The following RNF130 variants were observed in gnomAD, a reference collection of about 807,000 sequenced individuals.
RNF130 encodes the protein ring finger protein 130, also known as E3 ubiquitin-protein ligase RNF130.
Under a neutral mutation model 44.6 loss-of-function variants are expected in RNF130, and 21 were observed. That is an observed-to-expected ratio of 0.47 (90% CI 0.33 to 0.68). The LOEUF is 0.68. Among genes scored for constraint, RNF130 ranks in the 30% least tolerant of loss-of-function variants. The pLI is 0.02. For synonymous variants in RNF130, 214 were observed against 210.4 expected, an observed-to-expected ratio of 1.02 and a Z score of -0.15; for missense variants, 479 against 560.6, an observed-to-expected ratio of 0.85 and a Z score of 1.47.
chr5:179,940,884 ATTTTTCTTCTCATTTTATT>A lies in RNF130; in HGVS notation c.1151-20477_1151-20459del, dbSNP rs541297835. 5.4e-3 allele frequency among the ~76,000 whole-genome samples: 815 copies of A among 151,504 alleles called. 4 individuals carry two copies. Among genetic ancestry groups the A allele is most frequent in the Middle Eastern group, 0.027 (8 of 292 alleles). ...TCTAAAGACTCATGCCTTTTTCTGT[ATTTTTCTTCTCATTTTATT>A]TTTTTGCTTCAGCTCAGATAGTCTC... On this transcript the variant is annotated intron_variant, in intron 7 of 7. Transcript: ENST00000522208.
intron 7 of RNF130, among the ~76,000 whole-genome samples, chr5:179,924,763 T>G (rs1055523987): frequency 6.6e-6 from 1 of 152,172 alleles, no homozygotes; most frequent in South Asian, 2.1e-4. Context: ...CACTCCACCC[T>G]GGGTGACAGA....
chr5:180,065,285 A>G (rs184091457), intron 1 of RNF130, among the ~76,000 whole-genome samples: 7 of 152,352 alleles, frequency 4.6e-5, no homozygotes, highest in African/African-American at 1.4e-4. Context: ...CCCATTATCT[A>G]ATCGATATAA....
intron 2 of RNF130, chr5:180,015,235 C>A: frequency 6.7e-6 from 3 of 448,936 alleles, no homozygotes; most frequent in South Asian, 1.7e-5. Flanking sequence ...CAAAATAATG[C>A]TAAACCGCTT....
chr5:180,055,248 C>CAAAAAAAAAAAAAAAAAAAAAAAAAAA (rs1205914690), intron 1 of RNF130, among the ~76,000 whole-genome samples: 1 of 20,980 alleles, frequency 4.8e-5, no homozygotes, highest in Non-Finnish European at 7.3e-5. Flanking sequence ...GGTTCTGTCT[C>CAAAAAAAAAAAAAAAAAAAAAAAAAAA]AAAAAAAAAA....
intron 3 of RNF130, among the ~76,000 whole-genome samples, chr5:180,009,085 C>G (rs936539912): frequency 6.6e-6 from 1 of 152,066 alleles, no homozygotes; most frequent in Non-Finnish European, 1.5e-5. Flanking sequence ...TTAATTCTTA[C>G]ATTAGAAAAC....
chr5:179,933,348 AATC>A (rs761447490), intron 7 of RNF130, among the ~76,000 whole-genome samples: 96 of 149,726 alleles, frequency 6.4e-4, no homozygotes, highest in Non-Finnish European at 1.1e-3. Flanking sequence ...TATTTTTCAA[AATC>A]ATCAATTTAT....
chr5:180,023,757 C>T (rs1286012927), intron 2 of RNF130, among the ~76,000 whole-genome samples: 1 of 152,164 alleles, frequency 6.6e-6, no homozygotes, highest in Admixed American at 6.5e-5. Context: ...GCAAATCACC[C>T]ATGCAGAAAA....
intron 7 of RNF130, among the ~76,000 whole-genome samples, chr5:179,940,782 C>T (rs1351246734): frequency 6.6e-6 from 1 of 151,926 alleles, no homozygotes; most frequent in Non-Finnish European, 1.5e-5. Context: ...ATTATCTCTT[C>T]AAATACTGCT....
At chr5:180,028,491 C>T (rs1764044385) in intron 2 of RNF130, among the ~76,000 whole-genome samples, 1 of 152,138 alleles carries the variant, frequency 6.6e-6, no homozygotes. Flanking sequence ...TGGTCGAATC[C>T]TAAGTAATCC....
In RNF130 at chr5:180,047,587, A is replaced by G. The variant is rs539519549; in HGVS notation, c.248-6940T>C. Among the ~76,000 whole-genome samples the G allele has an allele frequency of 1.5e-3, 235 of 152,052 alleles. 2 individuals are homozygous for G. Among genetic ancestry groups the G allele is most frequent in the African/African-American group, 5.5e-3 (227 of 41,536 alleles). On this transcript the variant is annotated intron_variant, in intron 1 of 8. Transcript: ENST00000521389. ...TGGTGAAACCCTGTCTCTATTAAAA[A>G]TACAAAATTTAGCTTGGCGTGGTGT...
At chr5:179,983,120 G>C (rs1307027358) in intron 3 of RNF130, among the ~76,000 whole-genome samples, 3 of 152,142 alleles carry the variant, frequency 2.0e-5, no homozygotes, top group Non-Finnish European at 4.4e-5. Context: ...CCTTTTGCAT[G>C]TATTTCCCCT....
At chr5:180,002,128 C>G (rs1424781701) in intron 3 of RNF130, among the ~76,000 whole-genome samples, 2 of 152,222 alleles carry the variant, frequency 1.3e-5, no homozygotes, top group Admixed American at 1.3e-4. Context: ...TGTGATCACT[C>G]TGGATGGCCA....
intron 1 of RNF130, among the ~76,000 whole-genome samples, chr5:180,052,305 T>C (rs1764704164): frequency 6.6e-6 from 1 of 152,212 alleles, no homozygotes; most frequent in African/African-American, 2.4e-5. Flanking sequence ...ACTTATTAGC[T>C]TCCTCTCACA....
chr5:179,947,587 T>C (rs1762061406), intron 7 of RNF130, among the ~76,000 whole-genome samples: 1 of 152,228 alleles, frequency 6.6e-6, no homozygotes, highest in Non-Finnish European at 1.5e-5. Context: ...GGCAAGTTAC[T>C]GGATTTCTCC....
At chr5:180,053,829 T>A (rs1335446996) in intron 1 of RNF130, among the ~76,000 whole-genome samples, 36 of 151,202 alleles carry the variant, frequency 2.4e-4, no homozygotes, top group Middle Eastern at 3.4e-3. Context: ...TACATTCTTT[T>A]TTTTTTTTTT....
intron 6 of RNF130, 72 bp downstream of exon 6, chr5:179,970,338 A>T (rs567346029): frequency 3.5e-6 from 4 of 1,151,030 alleles, no homozygotes; most frequent in Non-Finnish European, 5.0e-6. Context: ...TATTATGCCA[A>T]TTATGTTATA....
rs375946875 is a variant in RNF130, at chr5:179,939,983, G to A, written c.1151-19557C>T. ...TTTTTTTCTAGCATCAGACAGCAGC[G>A]CCTCATATGCCTCCACTGCTCATCT... On this transcript the variant is annotated intron_variant, in intron 7 of 7. Transcript: ENST00000522208. 4.1e-5 allele frequency: 9 copies of A among 218,068 alleles called. No homozygotes were observed. The East Asian group carries it at 4.3e-4, about 11-fold the overall frequency. 13.5% of individuals were successfully genotyped at this position (218,068 alleles called of 1,614,324 possible).
intron 3 of RNF130, among the ~76,000 whole-genome samples, chr5:180,001,527 T>C (rs1204893293): frequency 6.6e-6 from 1 of 152,154 alleles, no homozygotes; most frequent in Non-Finnish European, 1.5e-5. Flanking sequence ...AATTAGGGCA[T>C]AACACTGGCC....
chr5:179,948,967 T>TC (rs1762085890), intron 7 of RNF130, among the ~76,000 whole-genome samples: 1 of 148,692 alleles, frequency 6.7e-6, no homozygotes, highest in Non-Finnish European at 1.5e-5. Context: ...AATAATTTTT[T>TC]TTTTTTTTTT....
Sources: gnomAD v4.1 joint callset for allele counts (sites outside exome capture counted in the v4.1 genomes callset) on GRCh38, gnomAD v4.1.1 for gene constraint, MANE v1.5 for transcripts, NCBI Gene and HGNC (gene_info 2026-07-23, HGNC 2026-07-21) for gene names.